Variants in ATXN1 observed in about 807,000 individuals in gnomAD.
ATXN1 encodes the protein ataxin 1.
Under a neutral mutation model 56.4 loss-of-function variants are expected in ATXN1, and 8 were observed. That is an observed-to-expected ratio of 0.14 (90% CI 0.08 to 0.26). The LOEUF (loss-of-function observed/expected upper bound fraction) is 0.26, where lower values mean the gene tolerates loss of function less well. ATXN1 is among the 10% of genes least tolerant of loss of function. The pLI is 1.00. For missense variants in ATXN1, 987 were observed against 1,106.5 expected, an observed-to-expected ratio of 0.89 and a Z score of 1.53; for synonymous variants, 514 against 494.6, an observed-to-expected ratio of 1.04 and a Z score of -0.52.
chr6:16,400,276 A>G (rs771596833), intron 6 of ATXN1, among the ~76,000 whole-genome samples: 7 of 152,010 alleles, frequency 4.6e-5, no homozygotes, highest in Non-Finnish European at 1.0e-4. Flanking sequence ...ATTCTCTCCA[A>G]CCCAGACTGT....
intron 6 of ATXN1, among the ~76,000 whole-genome samples, chr6:16,471,070 A>C (rs889355226): frequency 6.6e-6 from 1 of 152,048 alleles, no homozygotes; most frequent in Non-Finnish European, 1.5e-5. Context: ...CTGGAAACAA[A>C]CTGCGCCTAC....
intron 4 of ATXN1, among the ~76,000 whole-genome samples, chr6:16,556,477 TC>T (rs1227159184): frequency 3.9e-5 from 6 of 152,198 alleles, no homozygotes; most frequent in African/African-American, 1.4e-4. Context: ...ACTCATAAAC[TC>T]CTGTCAATGC....
At position 16,429,890 on chromosome 6, in the gene ATXN1, G is replaced by C. The variant is rs189510179; in HGVS notation, c.-161+56082C>G. Among the ~76,000 whole-genome samples, 160 of 152,278 alleles carry C rather than the reference G, an allele frequency of 1.1e-3. 3 individuals are homozygous for C. The highest frequency in any genetic ancestry group is 3.8e-4 in the Non-Finnish European group (26 of 68,026). On this transcript the variant is annotated intron_variant, in intron 6 of 7. Transcript: ENST00000436367. ...GATCACGTGGTGACTGTGGGACGTG[G>C]AGCTCAAACCCAAGTCTGTGGATTC...
intron 5 of ATXN1, among the ~76,000 whole-genome samples, chr6:16,486,550 T>C (rs929469608): frequency 6.6e-6 from 1 of 152,152 alleles, no homozygotes; most frequent in Non-Finnish European, 1.5e-5. Context: ...TTGGTGGTCA[T>C]AAGCCTGTTC....
intron 6 of ATXN1, among the ~76,000 whole-genome samples, chr6:16,380,053 G>T (rs1762219842): frequency 1.3e-5 from 2 of 152,150 alleles, no homozygotes; most frequent in South Asian, 4.1e-4. Flanking sequence ...TTCAAAGGAG[G>T]TCCTCAACAT....
At chr6:16,320,543 A>T (rs990313844) in intron 7 of ATXN1, among the ~76,000 whole-genome samples, 7 of 152,280 alleles carry the variant, frequency 4.6e-5, no homozygotes, top group African/African-American at 1.7e-4. Context: ...TCTTCAGAGA[A>T]GCTGAACCTA....
At position 16,326,308 on chromosome 6, in the gene ATXN1, C is replaced by A; in HGVS notation, c.1917+86G>T. 6.4e-7 allele frequency: 1 copy of A among 1,563,256 alleles called. No individual in the cohort carries two copies. On this transcript the variant is annotated intron_variant, in intron 7 of 7. Transcript: ENST00000436367. This position sits in a 1 kb window ranked among gnomAD's most constrained non-coding sequence, Gnocchi z 6.6. ...TGTACCCGAGAACCCTTAATCCTGC[C>A]TCATAGAAGCAATTCGTCTTGCCAG...
At chr6:16,344,832 T>C (rs767783095) in intron 6 of ATXN1, among the ~76,000 whole-genome samples, 3 of 152,230 alleles carry the variant, frequency 2.0e-5, no homozygotes, top group Admixed American at 1.3e-4. Flanking sequence ...CCTGTCTGTC[T>C]AGAGAACCCT....
intron 3 of ATXN1, among the ~76,000 whole-genome samples, chr6:16,648,237 T>C (rs1343896980): frequency 1.3e-5 from 2 of 152,158 alleles, no homozygotes; most frequent in Non-Finnish European, 2.9e-5. Context: ...CAGCCAACAC[T>C]AGGCAACCTT....
intron 3 of ATXN1, among the ~76,000 whole-genome samples, chr6:16,653,966 A>G (rs940060124): frequency 2.6e-5 from 4 of 152,208 alleles, no homozygotes; most frequent in Admixed American, 6.5e-5. Context: ...TCAGTGTGCA[A>G]AAGTTAACTA....
chr6:16,706,694 A>G (rs563010068), intron 2 of ATXN1, among the ~76,000 whole-genome samples: 29 of 149,682 alleles, frequency 1.9e-4, no homozygotes, highest in African/African-American at 6.9e-4. Context: ...ATTGCGCTCC[A>G]GCCTGGGCGA....
intron 2 of ATXN1, among the ~76,000 whole-genome samples, chr6:16,674,206 G>A (rs531045381): frequency 1.7e-4 from 26 of 152,004 alleles, no homozygotes; most frequent in Non-Finnish European, 2.9e-4. Flanking sequence ...CCAGCCACAG[G>A]CAAGGGAAAC....
At chr6:16,529,781 G>A (rs1177436670) in intron 4 of ATXN1, among the ~76,000 whole-genome samples, 3 of 152,132 alleles carry the variant, frequency 2.0e-5, no homozygotes, top group African/African-American at 7.2e-5. Flanking sequence ...ACTATGGCAT[G>A]ATGTACATGT....
intron 1 of ATXN1, among the ~76,000 whole-genome samples, chr6:16,756,323 A>T (rs1038469280): frequency 1.3e-5 from 2 of 152,290 alleles, no homozygotes; most frequent in East Asian, 3.9e-4. Context: ...TCTTAAAAAA[A>T]TTTTGAATGA....
intron 6 of ATXN1, among the ~76,000 whole-genome samples, chr6:16,478,649 G>A (rs191028201): frequency 1.3e-5 from 2 of 152,216 alleles, no homozygotes; most frequent in South Asian, 2.1e-4. Context: ...TGCTTATAAC[G>A]GGTAGCAACT....
At chr6:16,491,090 ATTTTTTTTTT>A (rs35884389) in intron 5 of ATXN1, among the ~76,000 whole-genome samples, 3 of 78,310 alleles carry the variant, frequency 3.8e-5, no homozygotes, top group Admixed American at 4.0e-4. Flanking sequence ...GGATCCCTGG[ATTTTTTTTTT>A]TTTTTTTTTT....
At chr6:16,360,010 C>G (rs571425591) in intron 6 of ATXN1, among the ~76,000 whole-genome samples, 1 of 151,996 alleles carries the variant, frequency 6.6e-6, no homozygotes, top group African/African-American at 2.4e-5. Flanking sequence ...TCAGAAATCA[C>G]CACCGAAGAA....
chr6:16,373,316 T>G (rs1307304394), intron 6 of ATXN1, among the ~76,000 whole-genome samples: 1 of 152,204 alleles, frequency 6.6e-6, no homozygotes, highest in Non-Finnish European at 1.5e-5. Flanking sequence ...CTTATACAAT[T>G]TTTTACTTAT....
rs1581331260 is a variant in ATXN1 at position 16,650,849 on chromosome 6, C to T, written c.-489+6927G>A. Among the ~76,000 whole-genome samples, 3 of 152,330 alleles carry T rather than the reference C, an allele frequency of 2.0e-5. No individual in the cohort carries two copies. In the South Asian group the frequency reaches 6.2e-4, roughly 32 times the overall value. ...TTTCCTTTTTCTGTCTATAAATCCT[C>T]TCCAACCACACAACAGCATGTCAGA... On this transcript the variant is annotated intron_variant, in intron 3 of 7. Transcript: ENST00000436367.
Sources: allele counts gnomAD v4.1 joint callset (sites outside exome capture counted in the v4.1 genomes callset), GRCh38; gene constraint gnomAD v4.1.1; non-coding constraint Gnocchi (gnomAD v3.1); transcripts MANE v1.5; gene names NCBI Gene and HGNC (gene_info 2026-07-23, HGNC 2026-07-21).